The following DEPTOR variants were observed in gnomAD, a reference collection of about 807,000 sequenced individuals.
The protein encoded by DEPTOR is DEP domain containing MTOR interacting protein.
DEPTOR carries 41 observed loss-of-function variants against 41.6 expected under a neutral mutation model. The ratio of observed to expected loss-of-function variants is 0.98; its 90% CI spans 0.77 to 1.28. DEPTOR has a LOEUF of 1.28. Ranked by LOEUF, DEPTOR falls within the 50% of genes most tolerant of loss-of-function variation. The probability of loss-of-function intolerance (pLI) is 0.00; values close to 1 mark genes in which losing one functional copy is unlikely to be tolerated. For missense variants in DEPTOR, 514 were observed against 527.9 expected (o/e 0.97, Z 0.26); for synonymous variants, 195 against 192.3 (o/e 1.01, Z -0.12).
intron 1 of DEPTOR, among the ~76,000 whole-genome samples, chr8:119,923,005 T>C (rs140540853): frequency 2.8e-5 from 4 of 143,104 alleles, no homozygotes; most frequent in East Asian, 3.9e-4. Context: ...TCCCCGAACA[T>C]GGGCTGGTTG....
chr8:119,874,893 G>T (rs1447754778), intron 1 of DEPTOR, among the ~76,000 whole-genome samples: 1 of 152,096 alleles, frequency 6.6e-6, no homozygotes, highest in Non-Finnish European at 1.5e-5. Context: ...ACCCAGCTCT[G>T]CAGCGTTTGA....
chr8:119,942,018 A>G (rs962846869), intron 3 of DEPTOR, among the ~76,000 whole-genome samples: 1 of 152,154 alleles, frequency 6.6e-6, no homozygotes, highest in African/African-American at 2.4e-5. Context: ...TGGAAATCAC[A>G]TCCTTCTTAC....
intron 1 of DEPTOR, among the ~76,000 whole-genome samples, chr8:119,915,979 A>G (rs567157412): frequency 6.8e-6 from 1 of 147,824 alleles, no homozygotes; most frequent in Non-Finnish European, 1.5e-5. Flanking sequence ...CTGAAATGCT[A>G]CTTAGTGGCC....
intron 4 of DEPTOR, among the ~76,000 whole-genome samples, chr8:119,992,913 T>C (rs1278352157): frequency 6.6e-6 from 1 of 152,110 alleles, no homozygotes; most frequent in Non-Finnish European, 1.5e-5. Flanking sequence ...TGCCTCGGCC[T>C]CCCAAAGTGC....
At chr8:119,928,610 G>T in intron 2 of DEPTOR, 32 bp downstream of exon 2, 1 of 1,603,462 alleles carries the variant, frequency 6.2e-7, no homozygotes, top group South Asian at 1.1e-5. Flanking sequence ...GGTGACTTGA[G>T]AGAAATGGAA....
At chr8:119,968,398 C>G (rs1196726712) in intron 4 of DEPTOR, among the ~76,000 whole-genome samples, 1 of 151,604 alleles carries the variant, frequency 6.6e-6, no homozygotes, top group Non-Finnish European at 1.5e-5. Flanking sequence ...ACTGCCACCT[C>G]CACTTCCCAG....
intron 8 of DEPTOR, among the ~76,000 whole-genome samples, chr8:120,020,929 T>G (rs552327176): frequency 6.6e-6 from 1 of 151,406 alleles, no homozygotes; most frequent in Admixed American, 6.6e-5. Flanking sequence ...CATGATGGCA[T>G]GTGCCTTTAA....
intron 3 of DEPTOR, among the ~76,000 whole-genome samples, chr8:119,958,924 A>C (rs1369204021): frequency 1.3e-5 from 2 of 152,208 alleles, no homozygotes; most frequent in East Asian, 3.8e-4. Flanking sequence ...GTCACACTGG[A>C]AGACACATGA....
chr8:119,965,363 C>A lies in DEPTOR; in HGVS notation c.557C>A (p.Ala186Glu). ...GGTGAGGCCACCACGAGGAAAGAGGCAGAGCAGCTTTGCCACCGGCTTATG... is the reference window on the plus strand; with the variant it reads ...GGTGAGGCCACCACGAGGAAAGAGGAAGAGCAGCTTTGCCACCGGCTTATG... ...QEGEATTRKE[A>E]EQLCHRLMEH... is the part of the protein sequence containing the mutation. The change falls in exon 4 of 9, where the codon GCA (alanine) becomes GAA (glutamate). Residue 186 changes from alanine to glutamate, a missense_variant. Coordinates refer to ENST00000286234, the MANE Select transcript of DEPTOR (RefSeq NM_022783.4). 1 of 1,614,072 alleles carries A rather than the reference C, an allele frequency of 6.2e-7. No individual in the cohort carries two copies. The highest frequency in any genetic ancestry group is 8.5e-7 in the Non-Finnish European group (1 of 1,180,006).
intron 1 of DEPTOR, among the ~76,000 whole-genome samples, chr8:119,894,384 T>TTTTATTTATTTATTTA (rs35523236): frequency 2.2e-5 from 1 of 46,488 alleles, no homozygotes; most frequent in South Asian, 5.3e-4. Flanking sequence ...AATAGTTCTT[T>TTTTATTTATTTATTTA]TTTATTTATT....
In DEPTOR at chr8:119,935,999, GTT is replaced by G. The variant is rs67211224; in HGVS notation, c.425+6080_425+6081del. Among the ~76,000 whole-genome samples the G allele has an allele frequency of 2.6e-3, 327 of 123,840 alleles. 2 individuals are homozygous for G. The East Asian group carries it at 0.035, about 13-fold the overall frequency. The allele number at this position is 123,840 out of a possible 152,430, so 81.2% of individuals were successfully genotyped here. A position where few individuals can be genotyped will look rare whatever the true frequency, so the allele number is the denominator to read the frequency against. On this transcript the variant is annotated intron_variant, in intron 3 of 8. Coordinates refer to ENST00000286234, the MANE Select transcript of DEPTOR (RefSeq NM_022783.4). ...GGTTCATAGACACATTAGTCTAGTT[GTT>G]TTTTTTTTTTTTTTTTTTATCCAAA...
At chr8:120,044,760 T>C (rs1308487884) in intron 8 of DEPTOR, among the ~76,000 whole-genome samples, 1 of 152,212 alleles carries the variant, frequency 6.6e-6, no homozygotes, top group African/African-American at 2.4e-5. Context: ...GTAAAGTACT[T>C]GGATTGGCAC....
Position 119,958,500 on chromosome 8 carries a change from C to T in DEPTOR, c.426-6732C>T, listed in dbSNP as rs114027885. Among the ~76,000 whole-genome samples the T allele has an allele frequency of 1.8e-3, 267 of 151,734 alleles. 1 individual carries two copies. Among genetic ancestry groups the T allele is most frequent in the African/African-American group, 6.2e-3 (258 of 41,414 alleles). ...GTTTATCACCTTAGAAGTTGCATAACGTGGCCGGGCATGGTGGCTCACACC... is the reference window on the plus strand; with the variant it reads ...GTTTATCACCTTAGAAGTTGCATAATGTGGCCGGGCATGGTGGCTCACACC... On this transcript the variant is annotated intron_variant, in intron 3 of 8. Transcript: ENST00000286234.
At chr8:120,015,360 A>G (rs996197074) in intron 8 of DEPTOR, among the ~76,000 whole-genome samples, 2 of 152,178 alleles carry the variant, frequency 1.3e-5, no homozygotes, top group African/African-American at 4.8e-5. Context: ...TCTTTCTCCA[A>G]TCACTTCTCC....
rs549996772 is a variant in DEPTOR, at chr8:119,945,861, G to T, written c.425+15923G>T. Among the ~76,000 whole-genome samples the T allele has an allele frequency of 3.3e-5, 5 of 152,304 alleles. No individual in the cohort carries two copies. In the South Asian group the frequency reaches 8.3e-4, roughly 25 times the overall value. ...TCTAAGACACAGACAGAGCAGCAAC[G>T]GGGTTGGGGCCTTCTGAGAGAAGAG... On this transcript the variant is annotated intron_variant, in intron 3 of 8. Transcript: ENST00000286234.
chr8:120,016,606 A>ATT (rs1020195678), intron 8 of DEPTOR, among the ~76,000 whole-genome samples: 1 of 144,070 alleles, frequency 6.9e-6, no homozygotes, highest in Non-Finnish European at 1.5e-5. Flanking sequence ...TGGCCATGGA[A>ATT]TTTTTTTTTT....
At chr8:120,042,726 G>A (rs1054256392) in intron 8 of DEPTOR, among the ~76,000 whole-genome samples, 16 of 151,470 alleles carry the variant, frequency 1.1e-4, no homozygotes, top group Admixed American at 3.9e-4. Context: ...ACCATGTTGG[G>A]TCAAGCTGGT....
chr8:119,991,034 CTT>C (rs762692903), intron 4 of DEPTOR, among the ~76,000 whole-genome samples: 19 of 26,956 alleles, frequency 7.0e-4, no homozygotes, highest in Admixed American at 2.8e-3. Context: ...GTTTTCTTTT[CTT>C]TCTTTCTTTC....
chr8:119,876,376 G>T lies in DEPTOR; in HGVS notation c.122+2408G>T, dbSNP rs144558768. Among the ~76,000 whole-genome samples the T allele has an allele frequency of 1.7e-3, 257 of 152,128 alleles. 1 individual carries two copies. The highest frequency in any genetic ancestry group is 5.9e-3 in the African/African-American group (246 of 41,490). ...TGTGGGACCTTGGACAAGTGATTAT[G>T]CCCGTAATCCTGGCCCTTTGGGAGA... On this transcript the variant is annotated intron_variant, in intron 1 of 8. Transcript: ENST00000286234.
Sources: gnomAD v4.1 joint callset for allele counts (sites outside exome capture counted in the v4.1 genomes callset) on GRCh38, gnomAD v4.1.1 for gene constraint, MANE v1.5 for transcripts, NCBI Gene and HGNC (gene_info 2026-07-23, HGNC 2026-07-21) for gene names.